FGFR1OP2: variants seen among roughly 807,000 people sequenced by gnomAD.
FGFR1OP2 encodes the protein fibroblast growth factor receptor 1 oncogene partner 2.
FGFR1OP2 carries 17 observed loss-of-function variants against 35.2 expected under a neutral mutation model. The observed-to-expected ratio is 0.48, with a 90% CI of 0.33 to 0.73. The LOEUF is 0.73. Ranked by LOEUF, FGFR1OP2 falls within the 30% of genes least tolerant of loss-of-function variation. The probability of loss-of-function intolerance (pLI) is 0.02; values close to 1 mark genes in which losing one functional copy is unlikely to be tolerated. For missense variants in FGFR1OP2, 251 were observed against 307.3 expected, an observed-to-expected ratio of 0.82 and a Z score of 1.37; for synonymous variants, 105 against 104.6, an observed-to-expected ratio of 1.00 and a Z score of -0.03.
rs1018357681 is a variant in FGFR1OP2 at position 26,964,921 on chromosome 12, T to C, written c.*188T>C. ...TTTATTCCAAAACATAATTGGAAAA[T>C]AGAAACTGAGCCATTGCCAAATGGT... On this transcript the variant is annotated 3_prime_UTR_variant, in exon 7 of 7. Transcript: ENST00000229395. The C allele has an allele frequency of 7.6e-6, 4 of 526,302 alleles. No individual in the cohort carries two copies. Among genetic ancestry groups the C allele is most frequent in the South Asian group, 5.2e-5 (1 of 19,078 alleles). 32.6% of individuals were successfully genotyped at this position (526,302 alleles called of 1,614,324 possible). A position where few individuals can be genotyped will look rare whatever the true frequency, so the allele number is the denominator to read the frequency against.
chr12:26,963,195 A>G (rs2136362013), intron 5 of FGFR1OP2, 147 bp from the exon 6 acceptor site: 2 of 490,486 alleles, frequency 4.1e-6, no homozygotes, highest in African/African-American at 2.0e-5. Flanking sequence ...TGGTCAACCA[A>G]CTTCATTGTT....
chr12:26,942,126 G>A (rs1207408940), intron 1 of FGFR1OP2, among the ~76,000 whole-genome samples: 1 of 152,126 alleles, frequency 6.6e-6, no homozygotes. Flanking sequence ...TCCACCTTCC[G>A]GGCTCAAGCA....
At position 26,954,151 on chromosome 12, in the gene FGFR1OP2, C is replaced by T. The variant is rs761639868; in HGVS notation, c.-8C>T. 1.3e-6 allele frequency: 2 copies of T among 1,577,738 alleles called. No individual in the cohort carries two copies. Among genetic ancestry groups the T allele is most frequent in the South Asian group, 1.2e-5 (1 of 84,328 alleles). ...ATTTTAATTTTAATTATAGATATATCTTTAGAAATGAGTTGCACAATTGAG... is the reference window on the plus strand; with the variant it reads ...ATTTTAATTTTAATTATAGATATATTTTTAGAAATGAGTTGCACAATTGAG... On this transcript the variant is annotated 5_prime_UTR_variant, in exon 2 of 7. Coordinates refer to ENST00000229395, the MANE Select transcript of FGFR1OP2 (RefSeq NM_015633.3).
intron 1 of FGFR1OP2, among the ~76,000 whole-genome samples, chr12:26,939,538 A>C (rs956716593): frequency 6.6e-6 from 1 of 152,170 alleles, no homozygotes; most frequent in African/African-American, 2.4e-5. Context: ...ACAGCTCTGT[A>C]CTTTTGTACG....
chr12:26,948,125 G>A (rs372878392), intron 1 of FGFR1OP2, among the ~76,000 whole-genome samples: 27 of 151,990 alleles, frequency 1.8e-4, no homozygotes, highest in African/African-American at 6.5e-4. Flanking sequence ...CCTTTTTCTT[G>A]TAGTTATATA....
Position 26,948,347 on chromosome 12 carries a change from G to A in FGFR1OP2, c.-14-5798G>A, listed in dbSNP as rs372984772. On this transcript the variant is annotated intron_variant, in intron 1 of 6. Coordinates refer to ENST00000229395, the MANE Select transcript of FGFR1OP2 (RefSeq NM_015633.3). Reference sequence around the variant, plus strand: ...TTTATAATAAGTCTACTGGAAATAAGTTCTTCTTTCTCTTCAGCTGAGAAT... The same window carrying A: ...TTTATAATAAGTCTACTGGAAATAAATTCTTCTTTCTCTTCAGCTGAGAAT... 1.6e-3 allele frequency among the ~76,000 whole-genome samples: 240 copies of A among 152,224 alleles called. 6 individuals carry two copies. In the South Asian group the frequency reaches 0.047, roughly 30 times the overall value.
intron 1 of FGFR1OP2, among the ~76,000 whole-genome samples, chr12:26,940,445 G>T (rs1246774750): frequency 6.6e-6 from 1 of 152,114 alleles, no homozygotes; most frequent in African/African-American, 2.4e-5. Context: ...ATACAGCGAT[G>T]TGCCTTTATA....
intron 1 of FGFR1OP2, among the ~76,000 whole-genome samples, chr12:26,948,517 A>G (rs1938864943): frequency 6.6e-6 from 1 of 152,210 alleles, no homozygotes; most frequent in Non-Finnish European, 1.5e-5. Flanking sequence ...CAGTCATTCA[A>G]ATTGTTCTCT....
chr12:26,943,221 T>A (rs1938764694), intron 1 of FGFR1OP2, among the ~76,000 whole-genome samples: 1 of 152,234 alleles, frequency 6.6e-6, no homozygotes, highest in Non-Finnish European at 1.5e-5. Flanking sequence ...TCCTTTGACT[T>A]GCCTTTGCAC....
At chr12:26,954,926 G>C (rs1184248352) in intron 2 of FGFR1OP2, among the ~76,000 whole-genome samples, 1 of 152,092 alleles carries the variant, frequency 6.6e-6, no homozygotes, top group Non-Finnish European at 1.5e-5. Context: ...TAAAATCTCT[G>C]ACATTATGAT....
intron 1 of FGFR1OP2, among the ~76,000 whole-genome samples, chr12:26,949,870 G>A (rs978866128): frequency 2.0e-5 from 3 of 152,040 alleles, no homozygotes; most frequent in Non-Finnish European, 4.4e-5. Flanking sequence ...GTGAGCCACC[G>A]TGCCTGGCCC....
chr12:26,956,609 G>C lies in FGFR1OP2; in HGVS notation c.202G>C (p.Gly68Arg). Residue 68 changes from glycine (G) to arginine (R), a missense_variant, in exon 3 of 7, where the codon GGA becomes CGA. Transcript: ENST00000229395. ...TCGGCCACGGTCCACGTTAGTTATGGGAATCCAGCAAGAAAACAGACAAAT... is the reference window on the plus strand; with the variant it reads ...TCGGCCACGGTCCACGTTAGTTATGCGAATCCAGCAAGAAAACAGACAAAT... Reference protein sequence around the residue: ...RHRPRSTLVMGIQQENRQIRE... With the variant: ...RHRPRSTLVMRIQQENRQIRE... The C allele has an allele frequency of 6.2e-7, 1 of 1,605,798 alleles. No individual in the cohort carries two copies. Among genetic ancestry groups the C allele is most frequent in the Admixed American group, 1.7e-5 (1 of 58,762 alleles).
chr12:26,965,742 G>T lies in FGFR1OP2; in HGVS notation c.*1009G>T, dbSNP rs1262599738. 6.6e-6 allele frequency: 1 copy of T among 151,530 alleles called. No individual in the cohort carries two copies. Among genetic ancestry groups the T allele is most frequent in the South Asian group, 2.1e-4 (1 of 4,824 alleles). The allele number at this position is 151,530 out of a possible 1,614,324, so 9.4% of individuals were successfully genotyped here. A position where few individuals can be genotyped will look rare whatever the true frequency, so the allele number is the denominator to read the frequency against. On this transcript the variant is annotated 3_prime_UTR_variant, in exon 7 of 7. Coordinates refer to ENST00000229395, the MANE Select transcript of FGFR1OP2 (RefSeq NM_015633.3). Reference sequence around the variant, plus strand: ...TCCATCTGGTCCTCATAACCTGCAAGATTTTTCTTAAAACCTTTCAGCTGA... The same window carrying T: ...TCCATCTGGTCCTCATAACCTGCAATATTTTTCTTAAAACCTTTCAGCTGA...
intron 4 of FGFR1OP2, chr12:26,957,992 A>C (rs1939049510): frequency 6.2e-6 from 2 of 321,810 alleles, no homozygotes; most frequent in Non-Finnish European, 1.1e-5. Context: ...GTTGAAAAAT[A>C]AATTTTATTT....
chr12:26,939,070 T>G (rs1443789989), intron 1 of FGFR1OP2, among the ~76,000 whole-genome samples: 1 of 152,216 alleles, frequency 6.6e-6, no homozygotes, highest in Non-Finnish European at 1.5e-5. Context: ...AGATAACTTG[T>G]TTCTTGAAAC....
chr12:26,944,318 C>T (rs1449196304), intron 1 of FGFR1OP2, among the ~76,000 whole-genome samples: 1 of 152,170 alleles, frequency 6.6e-6, no homozygotes, highest in Non-Finnish European at 1.5e-5. Context: ...CTGGTGACTG[C>T]AGACATCCTT....
chr12:26,954,096 A>G (rs1341383364), intron 1 of FGFR1OP2, 49 bp from the exon 2 acceptor site: 29 of 1,348,126 alleles, frequency 2.2e-5, no homozygotes, highest in Non-Finnish European at 2.9e-5. Flanking sequence ...GCTAAAATAA[A>G]GAGATATGTT....
chr12:26,960,673 G>A, intron 5 of FGFR1OP2, 45 bp downstream of exon 5: 1 of 1,563,232 alleles, frequency 6.4e-7, no homozygotes. Flanking sequence ...GATGGAAGGG[G>A]GGTCCATTTT....
chr12:26,939,534 C>G (rs1199026381), intron 1 of FGFR1OP2, among the ~76,000 whole-genome samples: 1 of 152,202 alleles, frequency 6.6e-6, no homozygotes, highest in Non-Finnish European at 1.5e-5. Flanking sequence ...TTTGACAGCT[C>G]TGTACTTTTG....
Sources: allele counts gnomAD v4.1 joint callset (sites outside exome capture counted in the v4.1 genomes callset), GRCh38; gene constraint gnomAD v4.1.1; transcripts MANE v1.5; gene names NCBI Gene and HGNC (gene_info 2026-07-23, HGNC 2026-07-21).